Variants in PRLR observed in about 807,000 individuals in gnomAD.
PRLR encodes the protein hPRL receptor.
A neutral mutation model predicts 40.2 loss-of-function variants in PRLR; 13 were observed. The ratio of observed to expected loss-of-function variants is 0.32; its 90% CI spans 0.21 to 0.51. PRLR has a LOEUF of 0.51. Ranked by LOEUF, PRLR falls within the 20% of genes least tolerant of loss-of-function variation. The pLI, the probability that PRLR is intolerant of heterozygous loss-of-function variation, is 0.97. For synonymous variants in PRLR, 269 were observed against 278.7 expected (o/e 0.97, Z 0.35); for missense variants, 656 against 747.3 (o/e 0.88, Z 1.42).
intron 1 of PRLR, among the ~76,000 whole-genome samples, chr5:35,177,694 TTATC>T (rs1456104804): frequency 6.6e-6 from 1 of 152,232 alleles, no homozygotes; most frequent in Non-Finnish European, 1.5e-5. Context: ...CACGTTTTGT[TTATC>T]TATTTATCCA....
At chr5:35,145,726 C>A (rs1045872944) in intron 1 of PRLR, among the ~76,000 whole-genome samples, 5 of 151,442 alleles carry the variant, frequency 3.3e-5, no homozygotes, top group Admixed American at 2.6e-4. Flanking sequence ...GTCAGGCCCT[C>A]AACAAATGTT....
At chr5:35,196,152 A>G (rs1287161471) in intron 1 of PRLR, among the ~76,000 whole-genome samples, 1 of 151,768 alleles carries the variant, frequency 6.6e-6, no homozygotes, top group African/African-American at 2.4e-5. Flanking sequence ...AGAATGGTTC[A>G]TTCTGAAACT....
intron 2 of PRLR, among the ~76,000 whole-genome samples, chr5:35,108,370 C>A (rs1295772539): frequency 3.9e-5 from 6 of 152,136 alleles, no homozygotes; most frequent in Admixed American, 3.9e-4. Flanking sequence ...GAAGTTCTGG[C>A]CAGGGCAATC....
rs75017552 is a variant in PRLR at position 35,179,546 on chromosome 5, C to A, written c.-106+50722G>T. ...GTACATTACTACCTGTGCCTCATTG[C>A]GAGTGCTCAGTGGGTCACACAGTGA... On this transcript the variant is annotated intron_variant, in intron 1 of 9. Transcript: ENST00000618457. Among the ~76,000 whole-genome samples, 1,111 of 152,330 alleles carry A rather than the reference C, an allele frequency of 7.3e-3. 17 individuals carry two copies. The highest frequency in any genetic ancestry group is 0.026 in the African/African-American group (1,065 of 41,574).
intron 2 of PRLR, among the ~76,000 whole-genome samples, chr5:35,104,930 G>T (rs1772136451): frequency 6.6e-6 from 1 of 152,204 alleles, no homozygotes; most frequent in Non-Finnish European, 1.5e-5. Context: ...CCTCAAGTGG[G>T]TCCCTGACCC....
At chr5:35,131,582 G>A (rs1217813187) in intron 1 of PRLR, among the ~76,000 whole-genome samples, 1 of 152,184 alleles carries the variant, frequency 6.6e-6, no homozygotes, top group Non-Finnish European at 1.5e-5. Context: ...AACAAAGGAT[G>A]CTGATCCCCT....
At chr5:35,112,561 G>T (rs1033502898) in intron 2 of PRLR, among the ~76,000 whole-genome samples, 1 of 152,090 alleles carries the variant, frequency 6.6e-6, no homozygotes, top group African/African-American at 2.4e-5. Flanking sequence ...CTAGGGGAGG[G>T]AAAGCACTGG....
chr5:35,066,076 A>C lies in PRLR; in HGVS notation c.882T>G (p.Ser294Arg), dbSNP rs142164602. 2.5e-6 allele frequency: 4 copies of C among 1,613,862 alleles called. No homozygotes were observed. The African/African-American group carries it at 4.0e-5, about 16-fold the overall frequency. Reference sequence around the variant, plus strand: ...GAGGAAAGTCTTGGCATCCCAAGGCACTCAGTAGTTCTTCAGACTTGCCCT... The same window carrying C: ...GAGGAAAGTCTTGGCATCCCAAGGCCCTCAGTAGTTCTTCAGACTTGCCCT... ...LEKGKSEELL[S>R]ALGCQDFPPT... The change falls in exon 10 of 10, where the codon AGT becomes AGG. Residue 294 changes from serine to arginine, a missense_variant. By Grantham distance (110) the Ser-to-Arg change is moderately radical (BLOSUM62 -1). Transcript: ENST00000618457.
chr5:35,110,395 A>T (rs1305271965), intron 2 of PRLR, among the ~76,000 whole-genome samples: 2 of 152,182 alleles, frequency 1.3e-5, no homozygotes, highest in Non-Finnish European at 2.9e-5. Context: ...TATTGTGAGT[A>T]GACAGGAGTG....
intron 2 of PRLR, among the ~76,000 whole-genome samples, chr5:35,110,954 G>A (rs188823653): frequency 8.1e-4 from 123 of 152,208 alleles, no homozygotes; most frequent in African/African-American, 2.6e-3. Flanking sequence ...TGACCTTACC[G>A]TGGCACTGAT....
exon 9 of PRLR, chr5:35,049,307 T>A: frequency 2.8e-6 from 2 of 703,392 alleles, no homozygotes; most frequent in Non-Finnish European, 5.2e-6. Context: ...GTGGTCAATG[T>A]TGCCTTTGTG....
At chr5:35,098,677 T>C (rs1771681386) in intron 2 of PRLR, among the ~76,000 whole-genome samples, 1 of 152,212 alleles carries the variant, frequency 6.6e-6, no homozygotes, top group Non-Finnish European at 1.5e-5. Flanking sequence ...TTGTTATATA[T>C]TAATATCTAG....
At chr5:35,197,996 T>C (rs1775782239) in intron 1 of PRLR, among the ~76,000 whole-genome samples, 1 of 152,236 alleles carries the variant, frequency 6.6e-6, no homozygotes. Flanking sequence ...TCCTGGAGTA[T>C]TGTGGCATGG....
Position 35,066,063 on chromosome 5 carries a change from G to T in PRLR, c.895C>A (p.Gln299Lys). The T allele has an allele frequency of 3.1e-6, 5 of 1,614,020 alleles. No homozygotes were observed. The highest frequency in any genetic ancestry group is 1.7e-4 in the Middle Eastern group (1 of 6,018). Reference protein sequence around the residue: ...SEELLSALGCQDFPPTSDYED... With the variant: ...SEELLSALGCKDFPPTSDYED... ...TAGTCAGAAGTGGGAGGAAAGTCTT[G>T]GCATCCCAAGGCACTCAGTAGTTCT... is the stretch of plus-strand genomic sequence containing the variant. Residue 299 changes from glutamine (Q) to lysine (K), a missense_variant, in exon 10 of 10, where the codon CAA (glutamine) becomes AAA (lysine). Coordinates refer to ENST00000618457, the MANE Select transcript of PRLR (RefSeq NM_000949.7).
intron 1 of PRLR, among the ~76,000 whole-genome samples, chr5:35,143,949 A>G (rs764967592): frequency 6.6e-6 from 1 of 151,966 alleles, no homozygotes; most frequent in Admixed American, 6.5e-5. Flanking sequence ...GGGCCCGATC[A>G]TAATTTTTTT....
chr5:35,089,423 T>C (rs1423417391), intron 3 of PRLR, 128 bp downstream of exon 3: 4 of 668,940 alleles, frequency 6.0e-6, no homozygotes, highest in East Asian at 5.4e-5. Flanking sequence ...TTGCAAATAA[T>C]TTAACAGCAG....
intron 1 of PRLR, among the ~76,000 whole-genome samples, chr5:35,153,723 C>CCT (rs1554052553): frequency 6.0e-5 from 9 of 150,540 alleles, no homozygotes; most frequent in African/African-American, 2.2e-4. Flanking sequence ...ATTGTACACA[C>CCT]ACACACACAC....
intron 1 of PRLR, among the ~76,000 whole-genome samples, chr5:35,185,848 A>G (rs1027601476): frequency 1.3e-5 from 2 of 152,158 alleles, no homozygotes; most frequent in African/African-American, 4.8e-5. Flanking sequence ...TCGTGATTGT[A>G]TTCTGTGGCG....
At chr5:35,165,856 G>T (rs1017942349) in intron 1 of PRLR, among the ~76,000 whole-genome samples, 8 of 152,172 alleles carry the variant, frequency 5.3e-5, no homozygotes, top group Admixed American at 3.9e-4. Flanking sequence ...ACTGAATTCT[G>T]CTGGTGAACG....
Sources: allele counts gnomAD v4.1 joint callset (sites outside exome capture counted in the v4.1 genomes callset), GRCh38; gene constraint gnomAD v4.1.1; transcripts MANE v1.5; gene names NCBI Gene and HGNC (gene_info 2026-07-23, HGNC 2026-07-21).